Variants in TTBK2 observed in about 807,000 individuals in gnomAD.
TTBK2 encodes the protein tau-tubulin kinase 2.
A neutral mutation model predicts 110.8 loss-of-function variants in TTBK2; 28 were observed. The observed-to-expected ratio is 0.25, with a 90% CI of 0.19 to 0.35. The LOEUF is 0.35. TTBK2 is among the 10% of genes least tolerant of loss of function. The pLI, the probability that TTBK2 is intolerant of heterozygous loss-of-function variation, is 1.00. For synonymous variants in TTBK2, 532 were observed against 527.3 expected, an observed-to-expected ratio of 1.01 and a Z score of -0.12; for missense variants, 1,369 against 1,500.3, an observed-to-expected ratio of 0.91 and a Z score of 1.45.
chr15:42,762,770 G>A (rs1274211102), intron 13 of TTBK2, among the ~76,000 whole-genome samples: 4 of 151,834 alleles, frequency 2.6e-5, no homozygotes, highest in Admixed American at 2.0e-4. Context: ...ACAAACAATG[G>A]AATACTATTC....
At chr15:42,783,176 A>G (rs1890250103) in intron 11 of TTBK2, among the ~76,000 whole-genome samples, 1 of 152,176 alleles carries the variant, frequency 6.6e-6, no homozygotes, top group African/African-American at 2.4e-5. Flanking sequence ...TGAGGGTATT[A>G]GGAGGTGGGC....
intron 9 of TTBK2, among the ~76,000 whole-genome samples, chr15:42,810,290 C>A (rs1033753239): frequency 6.6e-6 from 1 of 152,178 alleles, no homozygotes; most frequent in African/African-American, 2.4e-5. Context: ...TTCTGGTCAA[C>A]AAATTAGCTA....
intron 1 of TTBK2, among the ~76,000 whole-genome samples, chr15:42,889,764 C>T (rs188603596): frequency 5.8e-4 from 88 of 152,270 alleles, no homozygotes; most frequent in Non-Finnish European, 1.1e-3. Flanking sequence ...AACAACCCCA[C>T]AATATCACTC....
chr15:42,747,928 C>T (rs936541837), intron 14 of TTBK2, among the ~76,000 whole-genome samples: 2 of 151,928 alleles, frequency 1.3e-5, no homozygotes, highest in South Asian at 2.1e-4. Flanking sequence ...CACTTTAGAT[C>T]GATAGTAAAT....
intron 6 of TTBK2, among the ~76,000 whole-genome samples, chr15:42,819,766 T>C (rs1442186932): frequency 6.6e-6 from 1 of 152,252 alleles, no homozygotes; most frequent in African/African-American, 2.4e-5. Flanking sequence ...TAAGAGAATA[T>C]ATGAAAGTCT....
chr15:42,896,165 C>T (rs893299317), intron 1 of TTBK2, among the ~76,000 whole-genome samples: 6 of 151,864 alleles, frequency 4.0e-5, no homozygotes, highest in African/African-American at 9.7e-5. Context: ...CCTGTCTCTA[C>T]TAAAAATACA....
chr15:42,840,223 A>T, intron 4 of TTBK2, 137 bp downstream of exon 4: 1 of 819,702 alleles, frequency 1.2e-6, no homozygotes, highest in South Asian at 1.5e-5. Context: ...AGTCTGTTTA[A>T]ATACAGTTCC....
chr15:42,764,813 TCC>T (rs1185296550), intron 13 of TTBK2, among the ~76,000 whole-genome samples: 1 of 152,214 alleles, frequency 6.6e-6, no homozygotes, highest in African/African-American at 2.4e-5. Context: ...CTCAAGTGGG[TCC>T]CTGACACCCG....
chr15:42,778,019 C>CAA (rs965237755), intron 11 of TTBK2, among the ~76,000 whole-genome samples: 1 of 136,082 alleles, frequency 7.3e-6, no homozygotes, highest in East Asian at 2.1e-4. Flanking sequence ...ATTAATTAGC[C>CAA]AAAAAAAAAA....
chr15:42,758,445 C>G (rs1363535399), intron 13 of TTBK2, among the ~76,000 whole-genome samples: 1 of 152,066 alleles, frequency 6.6e-6, no homozygotes, highest in Non-Finnish European at 1.5e-5. Flanking sequence ...CACCTGAGGT[C>G]AGGAGTTCAA....
intron 13 of TTBK2, among the ~76,000 whole-genome samples, chr15:42,773,574 T>C (rs1441001124): frequency 6.6e-6 from 1 of 152,126 alleles, no homozygotes; most frequent in African/African-American, 2.4e-5. Flanking sequence ...AAGAGAACCA[T>C]GAGCACAATC....
chr15:42,744,739 A>C lies in TTBK2; in HGVS notation c.*1056T>G, dbSNP rs1285587944. The C allele has an allele frequency of 6.6e-6, 1 of 152,264 alleles. No homozygotes were observed. The highest frequency in any genetic ancestry group is 1.5e-5 in the Non-Finnish European group (1 of 68,076). 9.4% of individuals were successfully genotyped at this position (152,264 alleles called of 1,614,324 possible). ...TAATTCCTTATTGGCTAAATGTATA[A>C]AATACAAAGTTTGAGGATTCTAAGC... On this transcript the variant is annotated 3_prime_UTR_variant, in exon 15 of 15. Transcript: ENST00000267890.
At chr15:42,913,622 AGCGAGACTCCGTCT>A (rs1469891439) in intron 1 of TTBK2, among the ~76,000 whole-genome samples, 2 of 151,568 alleles carry the variant, frequency 1.3e-5, no homozygotes, top group Non-Finnish European at 2.9e-5. Context: ...TGGGCGACAG[AGCGAGACTCCGTCT>A]CAAAAAAAAA....
At chr15:42,895,047 T>A (rs1341841483) in intron 1 of TTBK2, among the ~76,000 whole-genome samples, 1 of 152,126 alleles carries the variant, frequency 6.6e-6, no homozygotes, top group Non-Finnish European at 1.5e-5. Context: ...AAACTAGGAA[T>A]AGAAGAGAAT....
chr15:42,893,010 C>CAA (rs780103161), intron 1 of TTBK2, among the ~76,000 whole-genome samples: 47 of 57,684 alleles, frequency 8.1e-4, no homozygotes, highest in African/African-American at 2.7e-3. Context: ...GACTCTGTCT[C>CAA]AAAAAAAAAA....
intron 2 of TTBK2, among the ~76,000 whole-genome samples, chr15:42,875,009 T>C (rs955464414): frequency 1.3e-5 from 2 of 151,872 alleles, no homozygotes; most frequent in Admixed American, 6.6e-5. Flanking sequence ...TTGATACTTA[T>C]GATTCTTTAT....
intron 3 of TTBK2, among the ~76,000 whole-genome samples, chr15:42,843,532 G>A (rs1024472718): frequency 5.3e-5 from 8 of 151,976 alleles, no homozygotes; most frequent in East Asian, 1.9e-4. Flanking sequence ...AGGCTGAGGC[G>A]GGCAGATCAT....
chr15:42,836,337 T>A (rs1892985237), intron 4 of TTBK2, among the ~76,000 whole-genome samples: 1 of 152,130 alleles, frequency 6.6e-6, no homozygotes, highest in African/African-American at 2.4e-5. Context: ...ATTTATGGTT[T>A]TTAGAATAAA....
chr15:42,766,946 G>C (rs1195706219), intron 13 of TTBK2, among the ~76,000 whole-genome samples: 26 of 152,198 alleles, frequency 1.7e-4, no homozygotes, highest in Admixed American at 1.4e-3. Flanking sequence ...TCAGACCACA[G>C]TGCAATCAAA....
Sources: allele counts gnomAD v4.1 joint callset (sites outside exome capture counted in the v4.1 genomes callset), GRCh38; gene constraint gnomAD v4.1.1; transcripts MANE v1.5; gene names NCBI Gene and HGNC (gene_info 2026-07-23, HGNC 2026-07-21).